UBE2K: variants seen among roughly 807,000 people sequenced by gnomAD.
The protein encoded by UBE2K is ubiquitin-conjugating enzyme E2 K.
UBE2K carries 6 observed loss-of-function variants against 30.0 expected under a neutral mutation model. That is an observed-to-expected ratio of 0.20 (90% CI 0.11 to 0.39). The LOEUF (loss-of-function observed/expected upper bound fraction) is 0.39, where lower values mean the gene tolerates loss of function less well. Ranked by LOEUF, UBE2K falls within the 10% of genes least tolerant of loss-of-function variation. UBE2K has a pLI of 1.00. For synonymous variants in UBE2K, 86 were observed against 83.7 expected, an observed-to-expected ratio of 1.03 and a Z score of -0.15; for missense variants, 61 against 241.6, an observed-to-expected ratio of 0.25 and a Z score of 4.96.
At chr4:39,756,027 T>C (rs1300856406) in intron 4 of UBE2K, among the ~76,000 whole-genome samples, 1 of 152,232 alleles carries the variant, frequency 6.6e-6, no homozygotes, top group African/African-American at 2.4e-5. Context: ...TAAGAAGATA[T>C]TTGTGAAAGA....
chr4:39,738,533 G>A (rs1163356475), intron 2 of UBE2K, among the ~76,000 whole-genome samples: 1 of 152,142 alleles, frequency 6.6e-6, no homozygotes, highest in Non-Finnish European at 1.5e-5. Flanking sequence ...TGTTACCCAA[G>A]CTGGAGAGCA....
chr4:39,735,325 T>G (rs1206357297), intron 1 of UBE2K, among the ~76,000 whole-genome samples: 1 of 152,246 alleles, frequency 6.6e-6, no homozygotes, highest in Admixed American at 6.5e-5. Context: ...TTCTCCTGCC[T>G]CAGCTTCCCG....
chr4:39,745,481 G>A (rs1476855181), intron 2 of UBE2K, among the ~76,000 whole-genome samples: 9 of 152,078 alleles, frequency 5.9e-5, no homozygotes, highest in Non-Finnish European at 1.3e-4. Flanking sequence ...TGAAATGTTG[G>A]CATTGCATTG....
intron 3 of UBE2K, among the ~76,000 whole-genome samples, chr4:39,749,643 C>G (rs574649917): frequency 2.0e-5 from 3 of 151,820 alleles, no homozygotes; most frequent in Non-Finnish European, 4.4e-5. Flanking sequence ...CATGCCACTG[C>G]ACTGCAGCCT....
chr4:39,752,230 C>T (rs913229652), intron 3 of UBE2K, among the ~76,000 whole-genome samples: 20 of 151,498 alleles, frequency 1.3e-4, no homozygotes, highest in African/African-American at 3.9e-4. Context: ...TCTCCCTTTA[C>T]GCCATTCTCC....
In UBE2K at chr4:39,782,255, CTG is replaced by C. The variant is rs1359433034; in HGVS notation, c.*3824_*3825del. ...GTGTGAGTGGATAGAAATCATTACA[CTG>C]TGCTGTTAACGATCCTTGTCTGCTT... On this transcript the variant is annotated 3_prime_UTR_variant, in exon 7 of 7. Transcript: ENST00000261427. 7 of 328,898 alleles carry C rather than the reference CTG, an allele frequency of 2.1e-5. No individual in the cohort carries two copies. Among genetic ancestry groups the C allele is most frequent in the Non-Finnish European group, 3.3e-5 (6 of 182,198 alleles). 20.4% of individuals were successfully genotyped at this position (328,898 alleles called of 1,614,324 possible). A position where few individuals can be genotyped will look rare whatever the true frequency, so the allele number is the denominator to read the frequency against.
intron 1 of UBE2K, among the ~76,000 whole-genome samples, chr4:39,707,710 G>T (rs1457500008): frequency 1.3e-5 from 2 of 150,768 alleles, no homozygotes; most frequent in East Asian, 2.0e-4. Flanking sequence ...TGTAGAGATG[G>T]GGTCTCATTG....
chr4:39,726,794 A>C (rs779482386), intron 1 of UBE2K, among the ~76,000 whole-genome samples: 1 of 151,984 alleles, frequency 6.6e-6, no homozygotes, highest in Non-Finnish European at 1.5e-5. Flanking sequence ...ACAGGGTTTC[A>C]CCATGTTGGT....
At chr4:39,736,878 A>G (rs1720408840) in intron 1 of UBE2K, among the ~76,000 whole-genome samples, 1 of 152,242 alleles carries the variant, frequency 6.6e-6, no homozygotes, top group Non-Finnish European at 1.5e-5. Flanking sequence ...AGAATCTGTT[A>G]GGTAGCTAGA....
chr4:39,704,857 A>C (rs1718243383), intron 1 of UBE2K, among the ~76,000 whole-genome samples: 1 of 148,922 alleles, frequency 6.7e-6, no homozygotes, highest in South Asian at 2.1e-4. Flanking sequence ...CCCCTTCTTA[A>C]AGACTATACA....
intron 1 of UBE2K, chr4:39,714,550 A>ATATATATATATATATATTTTTTTTT: frequency 2.8e-4 from 5 of 17,852 alleles, no homozygotes; most frequent in African/African-American, 4.9e-4. Context: ...ATATATATAT[A>ATATATATATATATATATTTTTTTTT]TTTTTTTTTT....
chr4:39,733,929 A>G (rs1720214286), intron 1 of UBE2K, among the ~76,000 whole-genome samples: 1 of 152,086 alleles, frequency 6.6e-6, no homozygotes, highest in Non-Finnish European at 1.5e-5. Context: ...TTGTGGGAGC[A>G]GGGGGATTGG....
At chr4:39,746,332 C>T (rs1000149686) in intron 3 of UBE2K, among the ~76,000 whole-genome samples, 4 of 152,076 alleles carry the variant, frequency 2.6e-5, no homozygotes, top group African/African-American at 9.7e-5. Context: ...GTATGGAATA[C>T]CCTAAGATCA....
chr4:39,753,959 T>C (rs1027958856), intron 3 of UBE2K, among the ~76,000 whole-genome samples: 8 of 152,076 alleles, frequency 5.3e-5, no homozygotes, highest in Non-Finnish European at 1.2e-4. Context: ...CATCTTGCCA[T>C]GTTGGCGCTC....
At position 39,780,308 on chromosome 4, in the gene UBE2K, T is replaced by C. The variant is rs1010193748; in HGVS notation, c.*1874T>C. On this transcript the variant is annotated 3_prime_UTR_variant, in exon 7 of 7. Transcript: ENST00000261427. ...TTTCTCCAGTGTTGGTTAGAACTAC[T>C]TTTTTTAAGTGGAGGGCAACTTGGT... The C allele has an allele frequency of 5.3e-5, 8 of 152,144 alleles. No individual in the cohort carries two copies. The highest frequency in any genetic ancestry group is 1.9e-4 in the African/African-American group (8 of 41,460). 9.4% of individuals were successfully genotyped at this position (152,144 alleles called of 1,614,324 possible).
chr4:39,735,249 A>T (rs371947624), intron 1 of UBE2K, among the ~76,000 whole-genome samples: 1 of 152,118 alleles, frequency 6.6e-6, no homozygotes, highest in Non-Finnish European at 1.5e-5. Context: ...TCGCTCTTTC[A>T]CCCAGGCCAT....
intron 1 of UBE2K, among the ~76,000 whole-genome samples, chr4:39,732,149 A>T (rs1342771481): frequency 6.6e-6 from 1 of 152,200 alleles, no homozygotes. Flanking sequence ...ACTGTGTGGC[A>T]GGCATTGTTC....
intron 4 of UBE2K, among the ~76,000 whole-genome samples, chr4:39,767,545 G>A (rs997819433): frequency 1.3e-5 from 2 of 151,982 alleles, no homozygotes; most frequent in African/African-American, 4.8e-5. Flanking sequence ...GGATGGTCTC[G>A]ATCTCCTGAC....
At chr4:39,721,158 T>G (rs781186854) in intron 1 of UBE2K, among the ~76,000 whole-genome samples, 26 of 152,176 alleles carry the variant, frequency 1.7e-4, no homozygotes, top group Non-Finnish European at 2.2e-4. Context: ...CTAGGAAATC[T>G]TCTTTAGTTG....
Sources: allele counts gnomAD v4.1 joint callset (sites outside exome capture counted in the v4.1 genomes callset), GRCh38; gene constraint gnomAD v4.1.1; transcripts MANE v1.5; gene names NCBI Gene and HGNC (gene_info 2026-07-23, HGNC 2026-07-21).